Variants in NKAIN3 observed in about 807,000 individuals in gnomAD.
NKAIN3 encodes sodium/potassium transporting ATPase interacting 3, also known as sodium/potassium-transporting ATPase subunit beta-1-interacting protein 3.
In NKAIN3, 25 loss-of-function variants were observed where a neutral mutation model predicts 30.2. The ratio of observed to expected loss-of-function variants is 0.83; its 90% confidence interval spans 0.60 to 1.16. NKAIN3 has a LOEUF of 1.16. Ranked by LOEUF, NKAIN3 falls within the 50% of genes most tolerant of loss-of-function variation. NKAIN3 has a pLI of 0.00. For synonymous variants in NKAIN3, 91 were observed against 89.6 expected (o/e 1.02, Z -0.09); for missense variants, 225 against 254.1 (o/e 0.89, Z 0.78).
chr8:62,248,894 C>A lies in NKAIN3; in HGVS notation c.-180C>A. 1.8e-6 allele frequency: 1 copy of A among 563,168 alleles called. No individual in the cohort carries two copies. The highest frequency in any genetic ancestry group is 3.0e-6 in the Non-Finnish European group (1 of 331,258). The allele number at this position is 563,168 out of a possible 1,614,324, so 34.9% of individuals were successfully genotyped here. On this transcript the variant is annotated 5_prime_UTR_variant, in exon 1 of 7. Coordinates refer to ENST00000623646, the MANE Select transcript of NKAIN3 (RefSeq NM_001304533.3). ...CGTGCGCACCGCACTGACCTCGGCC[C>A]GCCCCGCCGGGAAACTAACAAAGGC...
chr8:62,764,114 T>A (rs1390996121), intron 4 of NKAIN3, among the ~76,000 whole-genome samples: 1 of 152,246 alleles, frequency 6.6e-6, no homozygotes, highest in Admixed American at 6.5e-5. Context: ...ATTTGGCTGA[T>A]GCCCTTTGGG....
At chr8:62,667,710 A>G (rs1050674868) in intron 3 of NKAIN3, among the ~76,000 whole-genome samples, 1 of 152,014 alleles carries the variant, frequency 6.6e-6, no homozygotes, top group African/African-American at 2.4e-5. Context: ...TAAAAAATAA[A>G]TCAGATCAGG....
chr8:62,870,259 T>TATAGATATCTATAGATATCTATATATAG lies in NKAIN3; in HGVS notation c.472-48192_472-48191insAGATATCTATAGATATCTATATATAGAT, dbSNP rs769393725. The stretch of plus-strand genomic sequence containing the variant: ...AGATATCTATAGATATCTATATATA[T>TATAGATATCTATAGATATCTATATATAG]ATCTATATATAGATATATATAAATA... On this transcript the variant is annotated intron_variant, in intron 4 of 6. Transcript: ENST00000623646. Among the ~76,000 whole-genome samples, 533 of 77,662 alleles carry TATAGATATCTATAGATATCTATATATAG rather than the reference T, an allele frequency of 6.9e-3. 41 individuals are homozygous for TATAGATATCTATAGATATCTATATATAG. Among genetic ancestry groups the TATAGATATCTATAGATATCTATATATAG allele is most frequent in the African/African-American group, 0.024 (472 of 19,442 alleles). 50.9% of individuals were successfully genotyped at this position (77,662 alleles called of 152,430 possible).
At chr8:62,622,286 C>T (rs1458979681) in intron 3 of NKAIN3, among the ~76,000 whole-genome samples, 1 of 151,924 alleles carries the variant, frequency 6.6e-6, no homozygotes, top group African/African-American at 2.4e-5. Flanking sequence ...GTTTTTATTT[C>T]TCTGTGATAA....
At chr8:62,282,477 T>A (rs1393175494) in intron 1 of NKAIN3, among the ~76,000 whole-genome samples, 2 of 152,186 alleles carry the variant, frequency 1.3e-5, no homozygotes, top group Non-Finnish European at 2.9e-5. Context: ...GATTTTTGAA[T>A]GCGTTTGCTG....
At chr8:62,769,100 C>G (rs528116273) in intron 4 of NKAIN3, among the ~76,000 whole-genome samples, 1 of 152,270 alleles carries the variant, frequency 6.6e-6, no homozygotes, top group African/African-American at 2.4e-5. Context: ...CCTGTCATTT[C>G]AGCTTAGATT....
chr8:62,694,892 T>C (rs1563519796), intron 3 of NKAIN3, among the ~76,000 whole-genome samples: 1 of 152,212 alleles, frequency 6.6e-6, no homozygotes, highest in African/African-American at 2.4e-5. Flanking sequence ...ATCCTGCCTT[T>C]CTTAACTCAC....
At chr8:62,402,127 G>C (rs1180745492) in intron 1 of NKAIN3, among the ~76,000 whole-genome samples, 1 of 152,108 alleles carries the variant, frequency 6.6e-6, no homozygotes, top group East Asian at 1.9e-4. Flanking sequence ...TGACACCAAG[G>C]CAACAAGAAA....
Position 62,391,900 on chromosome 8 carries a change from T to A in NKAIN3, c.54+142773T>A, listed in dbSNP as rs548003360. Among the ~76,000 whole-genome samples the A allele has an allele frequency of 5.3e-5, 8 of 152,098 alleles. No individual in the cohort carries two copies. The South Asian group carries it at 1.5e-3, about 28-fold the overall frequency. On this transcript the variant is annotated intron_variant, in intron 1 of 6. Coordinates refer to ENST00000623646, the MANE Select transcript of NKAIN3 (RefSeq NM_001304533.3). The stretch of plus-strand genomic sequence containing the variant: ...CAAAAATGTCACACACATCTTGTTA[T>A]GTTTCATGAAATAATATTGGTACCT...
intron 3 of NKAIN3, among the ~76,000 whole-genome samples, chr8:62,639,144 GCAGA>G (rs1257658461): frequency 1.3e-5 from 2 of 152,174 alleles, no homozygotes; most frequent in Non-Finnish European, 2.9e-5. Context: ...ACACAGGAAA[GCAGA>G]CAGAGAATAG....
At chr8:62,762,202 G>T (rs1348879062) in intron 4 of NKAIN3, among the ~76,000 whole-genome samples, 1 of 152,026 alleles carries the variant, frequency 6.6e-6, no homozygotes, top group East Asian at 1.9e-4. Context: ...TGTAATCCCA[G>T]CTACCTGGGA....
At chr8:62,562,923 G>A (rs544944926) in intron 1 of NKAIN3, among the ~76,000 whole-genome samples, 26 of 152,148 alleles carry the variant, frequency 1.7e-4, no homozygotes, top group Middle Eastern at 3.4e-3. Flanking sequence ...CTTTTGGCCC[G>A]TAACCCTGTC....
At chr8:62,302,546 C>T (rs1814084966) in intron 1 of NKAIN3, among the ~76,000 whole-genome samples, 1 of 152,036 alleles carries the variant, frequency 6.6e-6, no homozygotes, top group Non-Finnish European at 1.5e-5. Flanking sequence ...GTTATAGTCA[C>T]AGACTATCCC....
chr8:62,385,574 T>A (rs1297184706), intron 1 of NKAIN3, among the ~76,000 whole-genome samples: 1 of 152,208 alleles, frequency 6.6e-6, no homozygotes, highest in Admixed American at 6.5e-5. Context: ...TCATTTTGGT[T>A]ACAGTTCTAT....
At chr8:62,847,728 T>C (rs1819734582) in intron 4 of NKAIN3, among the ~76,000 whole-genome samples, 2 of 152,204 alleles carry the variant, frequency 1.3e-5, no homozygotes, top group African/African-American at 4.8e-5. Flanking sequence ...CAATTGCTTC[T>C]AGCATCTTGG....
intron 3 of NKAIN3, among the ~76,000 whole-genome samples, chr8:62,632,371 A>T: frequency 6.6e-6 from 1 of 152,176 alleles, no homozygotes; most frequent in East Asian, 1.9e-4. Flanking sequence ...AAATATCAAG[A>T]TACCTTTTAC....
At chr8:62,952,482 G>A (rs1022281953) in intron 5 of NKAIN3, among the ~76,000 whole-genome samples, 1 of 152,116 alleles carries the variant, frequency 6.6e-6, no homozygotes, top group Admixed American at 6.6e-5. Context: ...AATTCATCAT[G>A]AAAGAATGTA....
intron 4 of NKAIN3, among the ~76,000 whole-genome samples, chr8:62,912,421 A>T (rs1010107903): frequency 6.6e-6 from 1 of 152,208 alleles, no homozygotes; most frequent in Non-Finnish European, 1.5e-5. Flanking sequence ...CTTCAATAAT[A>T]AATTCATTTT....
chr8:62,746,819 A>G (rs1301784618), intron 3 of NKAIN3, 113 bp from the exon 4 acceptor site: 4 of 685,002 alleles, frequency 5.8e-6, no homozygotes, highest in Non-Finnish European at 9.7e-6. Flanking sequence ...TTTCACTTGA[A>G]ATTGAAATCA....
Sources: gnomAD v4.1 joint callset for allele counts (sites outside exome capture counted in the v4.1 genomes callset) on GRCh38, gnomAD v4.1.1 for gene constraint, MANE v1.5 for transcripts, NCBI Gene and HGNC (gene_info 2026-07-23, HGNC 2026-07-21) for gene names.